The following GLOD4 variants were observed in gnomAD, a reference collection of about 807,000 sequenced individuals.
GLOD4 encodes glyoxalase domain-containing protein 4.
GLOD4 carries 44 observed loss-of-function variants against 39.1 expected under a neutral mutation model. The ratio of observed to expected loss-of-function variants is 1.13; its 90% CI spans 0.88 to 1.45. GLOD4 has a LOEUF of 1.45. Among genes scored for constraint, GLOD4 ranks in the 40% most tolerant of loss-of-function variants. The pLI, the probability that GLOD4 is intolerant of heterozygous loss-of-function variation, is 0.00. For missense variants in GLOD4, 405 were observed against 366.4 expected (o/e 1.11, Z -0.86); for synonymous variants, 145 against 135.0 (o/e 1.07, Z -0.52).
At chr17:770,330 C>T (rs1008736032) in intron 6 of GLOD4, 91 bp downstream of exon 6, 1 of 801,834 alleles carries the variant, frequency 1.2e-6, no homozygotes, top group African/African-American at 1.7e-5. Context: ...AAGCCACAAT[C>T]AAAAAGGACC....
At chr17:771,885 C>T (rs183868581) in intron 4 of GLOD4, among the ~76,000 whole-genome samples, 1,744 of 151,768 alleles carry the variant, frequency 0.011, 21 homozygotes, top group Middle Eastern at 0.031. Context: ...TGGTGGCGCA[C>T]GCCTGTAATC....
At chr17:782,325 C>T (rs116557373), upstream of GLOD4, 893 of 1,611,468 alleles carry the variant, frequency 5.5e-4, 5 homozygotes, top group African/African-American at 0.011. Context: ...CGGGCCGTGA[C>T]GTCACTAGCC....
At position 776,927 on chromosome 17, in the gene GLOD4, C is replaced by G. The variant is rs745834587; in HGVS notation, c.202G>C (p.Val68Leu). 1.2e-6 allele frequency: 2 copies of G among 1,609,960 alleles called. No individual in the cohort carries two copies. Among genetic ancestry groups the G allele is most frequent in the South Asian group, 2.2e-5 (2 of 91,000 alleles). ...CCATAATTGTAAGTCAGTTCTGCGA[C>G]AAAATGATCATCCTCAGGCCCAAAT... ...VGFGPEDDHF[V>L]AELTYNYGVG... Residue 68 changes from valine (V) to leucine (L), a missense_variant, in exon 3 of 9, where the codon GTC (valine) becomes CTC (leucine). Physicochemically the swap from Val to Leu is conservative, Grantham distance 32 (BLOSUM62 1). Coordinates refer to ENST00000301329, the MANE Select transcript of GLOD4 (RefSeq NM_016080.4).
intron 8 of GLOD4, among the ~76,000 whole-genome samples, chr17:766,302 A>C (rs1442502534): frequency 6.6e-6 from 1 of 150,896 alleles, no homozygotes; most frequent in Non-Finnish European, 1.5e-5. Flanking sequence ...CGTCTTAAAA[A>C]AAAAAAAATG....
intron 2 of GLOD4, 77 bp from the exon 3 acceptor site, chr17:777,065 C>T (rs571701603): frequency 1.3e-5 from 18 of 1,363,120 alleles, no homozygotes; most frequent in Non-Finnish European, 1.6e-5. Flanking sequence ...CTACTGGGCA[C>T]AGAGAGATGA....
At chr17:779,375 A>G (rs1423587331) in intron 1 of GLOD4, among the ~76,000 whole-genome samples, 2 of 145,586 alleles carry the variant, frequency 1.4e-5, no homozygotes, top group African/African-American at 2.5e-5. Context: ...CACGCCTGTA[A>G]TCCCAGCACT....
chr17:782,636 C>T, upstream of GLOD4: 1 of 1,613,714 alleles, frequency 6.2e-7, no homozygotes, highest in South Asian at 1.1e-5. Flanking sequence ...CTCCCAGCAC[C>T]TGGGAAGAGT....
At position 782,242 on chromosome 17, in the gene GLOD4, C is replaced by T; in HGVS notation, c.14G>A (p.Arg5Lys). MAAR[R>K]ALHFVFKVGN... is the part of the protein sequence containing the mutation. ...CACTTTGAATACGAAGTGCAGAGCT[C>T]TGCGAGCAGCCATGATTCCCGCCGC... Residue 5 changes from arginine (R) to lysine (K), a missense_variant, in exon 1 of 9, where the codon AGA becomes AAA. Arg to Lys is a conservative substitution (Grantham distance 26). Coordinates refer to ENST00000301329, the MANE Select transcript of GLOD4 (RefSeq NM_016080.4). 1 of 1,613,390 alleles carries T rather than the reference C, an allele frequency of 6.2e-7. No individual in the cohort carries two copies.
At chr17:775,747 A>C in intron 4 of GLOD4, 28 bp downstream of exon 4, 1 of 1,599,258 alleles carries the variant, frequency 6.3e-7, no homozygotes, top group Non-Finnish European at 8.6e-7. Context: ...CTTTAGACAG[A>C]GGCTTTTACT....
upstream of GLOD4, among the ~76,000 whole-genome samples, chr17:784,050 A>T (rs1242926245): frequency 2.6e-5 from 4 of 152,242 alleles, no homozygotes; most frequent in African/African-American, 4.8e-5. Flanking sequence ...CGTTTAGCCC[A>T]ATAAACAGAG....
chr17:763,246 A>G (rs1022258685), intron 8 of GLOD4, among the ~76,000 whole-genome samples: 8 of 151,128 alleles, frequency 5.3e-5, no homozygotes, highest in African/African-American at 9.7e-5. Context: ...GGTGGCTCAC[A>G]TCTGTAATCC....
At chr17:763,771 C>T (rs1443875076) in intron 8 of GLOD4, 8 of 152,152 alleles carry the variant, frequency 5.3e-5, no homozygotes, top group Non-Finnish European at 7.3e-5. Context: ...CACGCTGAGT[C>T]TGATATGTGG....
rs181177768 is a variant in GLOD4, at chr17:762,762, C to T, written c.832-2524G>A. 9.6e-4 allele frequency among the ~76,000 whole-genome samples: 147 copies of T among 152,354 alleles called. 2 individuals are homozygous for T. Among genetic ancestry groups the T allele is most frequent in the African/African-American group, 3.5e-3 (144 of 41,562 alleles). On this transcript the variant is annotated intron_variant, in intron 8 of 8. Transcript: ENST00000301329. Reference sequence around the variant, plus strand: ...AATAATTTCATCACCATCCAGGCCCCTGCCTGCCACTTACTCAGTGTATGG... The same window carrying T: ...AATAATTTCATCACCATCCAGGCCCTTGCCTGCCACTTACTCAGTGTATGG...
At chr17:782,316 G>T (rs761090178), upstream of GLOD4, 3 of 1,611,336 alleles carry the variant, frequency 1.9e-6, no homozygotes, top group Non-Finnish European at 2.5e-6. Flanking sequence ...AGGGCGCCAC[G>T]GGCCGTGACG....
At chr17:772,909 G>A (rs888256880) in intron 4 of GLOD4, among the ~76,000 whole-genome samples, 34 of 151,964 alleles carry the variant, frequency 2.2e-4, no homozygotes, top group Non-Finnish European at 4.0e-4. Context: ...GCAGGAGAAT[G>A]GCGTGAACCC....
rs2144438189 is a variant in GLOD4 at position 776,906 on chromosome 17, A to G, written c.223T>C (p.Tyr75His). 6.2e-7 allele frequency: 1 copy of G among 1,612,610 alleles called. No individual in the cohort carries two copies. Residue 75 changes from tyrosine (Y) to histidine (H), a missense_variant, in exon 3 of 9, where the codon TAT (tyrosine) becomes CAT (histidine). Physicochemically the swap from Tyr to His is moderately conservative, Grantham distance 83 (BLOSUM62 2). Transcript: ENST00000301329. ...DHFVAELTYN[Y>H]GVGDYKLGND... Reference sequence around the variant, plus strand: ...CCAAGCTTGTAGTCTCCGACGCCATAATTGTAAGTCAGTTCTGCGACAAAA... The same window carrying G: ...CCAAGCTTGTAGTCTCCGACGCCATGATTGTAAGTCAGTTCTGCGACAAAA...
chr17:768,976 TAGA>T (rs1389290844), intron 8 of GLOD4, among the ~76,000 whole-genome samples: 1 of 152,248 alleles, frequency 6.6e-6, no homozygotes, highest in Non-Finnish European at 1.5e-5. Context: ...CTCAGATTTT[TAGA>T]AGGAGAAATC....
rs1405179275 is a variant in GLOD4, at chr17:764,972, A to C, written c.832-4734T>G. On this transcript the variant is annotated intron_variant, in intron 8 of 8. Coordinates refer to ENST00000301329, the MANE Select transcript of GLOD4 (RefSeq NM_016080.4). The stretch of plus-strand genomic sequence containing the variant: ...CAGTGAGCAGAGATTGTACCACTGC[A>C]CTCCAGCCTGGGTGACAGAGCGAGA... 2.0e-5 allele frequency: 3 copies of C among 151,054 alleles called. No homozygotes were observed. The East Asian group carries it at 6.3e-4, about 32-fold the overall frequency. The allele number at this position is 151,054 out of a possible 1,614,324, so 9.4% of individuals were successfully genotyped here. A position where few individuals can be genotyped will look rare whatever the true frequency, so the allele number is the denominator to read the frequency against.
intron 8 of GLOD4, chr17:763,851 A>T (rs1023436334): frequency 2.0e-5 from 3 of 152,234 alleles, no homozygotes; most frequent in Non-Finnish European, 2.9e-5. Flanking sequence ...TACATGTAAG[A>T]GAAAAAGTTC....
Sources: allele counts gnomAD v4.1 joint callset (sites outside exome capture counted in the v4.1 genomes callset), GRCh38; gene constraint gnomAD v4.1.1; transcripts MANE v1.5; gene names NCBI Gene and HGNC (gene_info 2026-07-23, HGNC 2026-07-21).